FAAH2: variants seen among roughly 807,000 people sequenced by gnomAD.
The protein encoded by FAAH2 is fatty acid amide hydrolase 2.
FAAH2 carries 60 observed loss-of-function variants against 36.9 expected under a neutral mutation model. That is an observed-to-expected ratio of 1.63 (90% CI 1.32 to 2.02). The LOEUF is 2.02. Among genes scored for constraint, FAAH2 ranks in the 30% most tolerant of loss-of-function variants. The pLI is 0.00. For synonymous variants in FAAH2, 214 were observed against 143.8 expected, an observed-to-expected ratio of 1.49 and a Z score of -3.49; for missense variants, 689 against 397.5, an observed-to-expected ratio of 1.73 and a Z score of -6.23.
chrX:57,379,002 G>A (rs1406151423), intron 6 of FAAH2, among the ~76,000 whole-genome samples: 1 of 111,679 alleles, frequency 9.0e-6, no homozygotes, highest in Non-Finnish European at 1.9e-5. Flanking sequence ...TACAAAGAGA[G>A]GCCTTATTTT....
At chrX:57,452,935 C>G (rs1251125130) in intron 10 of FAAH2, among the ~76,000 whole-genome samples, 1 of 112,095 alleles carries the variant, frequency 8.9e-6, no homozygotes, top group Non-Finnish European at 1.9e-5. Flanking sequence ...AACTTTCACA[C>G]TGGGTAGGGC....
chrX:57,321,473 A>C (rs1264596302), intron 3 of FAAH2, among the ~76,000 whole-genome samples: 1 of 109,721 alleles, frequency 9.1e-6, no homozygotes, highest in African/African-American at 3.3e-5. Flanking sequence ...ATAGTATAAT[A>C]ATAATTATTA....
At chrX:57,327,712 G>T (rs184775517) in intron 3 of FAAH2, among the ~76,000 whole-genome samples, 2 of 111,238 alleles carry the variant, frequency 1.8e-5, no homozygotes, top group Non-Finnish European at 3.8e-5. Context: ...GGACTTCTCT[G>T]CCTTGATTAT....
intron 9 of FAAH2, 110 bp downstream of exon 9, chrX:57,447,149 G>T (rs1317295188): frequency 8.3e-6 from 4 of 482,729 alleles, no homozygotes; most frequent in Non-Finnish European, 1.0e-5. Flanking sequence ...ATCCAGTGGG[G>T]TACTGAAATC....
chrX:57,259,015 G>A, the FAAH2 span, among the ~76,000 whole-genome samples: 3 of 110,467 alleles, frequency 2.7e-5, no homozygotes, highest in Admixed American at 9.7e-5. Context: ...CATCACGCCT[G>A]GTCAATATAA....
At chrX:57,282,577 G>A (rs192332425), upstream of FAAH2, among the ~76,000 whole-genome samples, 32 of 112,049 alleles carry the variant, frequency 2.9e-4, no homozygotes, top group East Asian at 7.5e-3. Context: ...TGTAATATGA[G>A]TATAATCAGT....
At chrX:57,381,652 T>A (rs2054853583) in intron 7 of FAAH2, 1 of 215,088 alleles carries the variant, frequency 4.6e-6, no homozygotes, top group Non-Finnish European at 6.8e-6. Flanking sequence ...ATGCACCCAA[T>A]ACAGGAGCAC....
chrX:57,280,834 T>C, the FAAH2 span, among the ~76,000 whole-genome samples: 21 of 112,210 alleles, frequency 1.9e-4, no homozygotes, highest in Admixed American at 2.8e-4. Flanking sequence ...TATCCTTCAA[T>C]AGTGAAAAGG....
chrX:57,307,353 C>T (rs1274045655), intron 2 of FAAH2, among the ~76,000 whole-genome samples: 2 of 109,472 alleles, frequency 1.8e-5, no homozygotes, highest in African/African-American at 6.6e-5. Flanking sequence ...TTTTTAGCTC[C>T]ATTATACAGA....
chrX:57,128,550 G>C, the FAAH2 span, among the ~76,000 whole-genome samples: 1 of 111,323 alleles, frequency 9.0e-6, no homozygotes, highest in Admixed American at 9.5e-5. Context: ...AATATGCAGA[G>C]ACTGATGAAG....
chrX:57,163,236 G>A, the FAAH2 span, among the ~76,000 whole-genome samples: 7 of 111,890 alleles, frequency 6.3e-5, no homozygotes, highest in Non-Finnish European at 1.1e-4. Flanking sequence ...CTCCAGCTGC[G>A]TGCTGGGAGA....
At chrX:57,167,443 A>G in the FAAH2 span, among the ~76,000 whole-genome samples, 1 of 111,993 alleles carries the variant, frequency 8.9e-6, no homozygotes, top group Non-Finnish European at 1.9e-5. Context: ...ATTATTTGCT[A>G]AGCTCTAATG....
chrX:57,135,373 A>T, the FAAH2 span: 5 of 157,607 alleles, frequency 3.2e-5, no homozygotes, highest in East Asian at 7.1e-4. Context: ...CTCATAGGTC[A>T]TCCCCTCCCC....
At chrX:57,325,256 G>T (rs1204038286) in intron 3 of FAAH2, among the ~76,000 whole-genome samples, 1 of 111,517 alleles carries the variant, frequency 9.0e-6, no homozygotes, top group Non-Finnish European at 1.9e-5. Flanking sequence ...TTTTATTGAG[G>T]ATTTTTGCAT....
chrX:57,225,540 G>C, the FAAH2 span, among the ~76,000 whole-genome samples: 4 of 111,477 alleles, frequency 3.6e-5, no homozygotes, highest in Non-Finnish European at 7.5e-5. Context: ...AATTTGTTGA[G>C]GTTCATTTTA....
At chrX:57,183,714 A>T in the FAAH2 span, among the ~76,000 whole-genome samples, 3 of 111,645 alleles carry the variant, frequency 2.7e-5, no homozygotes, top group African/African-American at 9.8e-5. Flanking sequence ...AATTGATTGT[A>T]AAACTTGTGT....
At chrX:57,134,341 G>C in the FAAH2 span, among the ~76,000 whole-genome samples, 2 of 111,878 alleles carry the variant, frequency 1.8e-5, no homozygotes, top group East Asian at 5.6e-4. Context: ...GTCTCTGTGA[G>C]CTGGGGTAGG....
chrX:57,329,523 G>A (rs2053334857), intron 3 of FAAH2, among the ~76,000 whole-genome samples: 1 of 109,962 alleles, frequency 9.1e-6, no homozygotes, highest in Non-Finnish European at 1.9e-5. Context: ...GACAACAATG[G>A]TGGTGCAGTG....
At chrX:57,394,698 G>T in intron 7 of FAAH2, 1 of 892,661 alleles carries the variant, frequency 1.1e-6, no homozygotes, top group East Asian at 3.1e-5. Context: ...TATCATCTGG[G>T]ACATAATTGA....
Sources: allele counts gnomAD v4.1 joint callset (sites outside exome capture counted in the v4.1 genomes callset), GRCh38; gene constraint gnomAD v4.1.1; transcripts MANE v1.5; gene names NCBI Gene and HGNC (gene_info 2026-07-23, HGNC 2026-07-21).